The following GOSR2 variants were observed in gnomAD, a reference collection of about 807,000 sequenced individuals.
GOSR2 encodes the protein 27 kDa Golgi SNARE protein.
Under a neutral mutation model 27.9 loss-of-function variants are expected in GOSR2, and 20 were observed. That is an observed-to-expected ratio of 0.72 (90% confidence interval 0.50 to 1.04). The LOEUF (loss-of-function observed/expected upper bound fraction) is 1.04, where lower values mean the gene tolerates loss of function less well. GOSR2 is among the 50% of genes least tolerant of loss of function. The pLI, the probability that GOSR2 is intolerant of heterozygous loss-of-function variation, is 0.00. For missense variants in GOSR2, 261 were observed against 270.5 expected (o/e 0.97, Z 0.25); for synonymous variants, 91 against 98.8 (o/e 0.92, Z 0.47).
intron 6 of GOSR2, chr17:46,948,671 G>C (rs1179317412): frequency 6.6e-6 from 1 of 152,234 alleles, no homozygotes; most frequent in Non-Finnish European, 1.5e-5. Context: ...AGTATGCGCA[G>C]GGCTGCAAGG....
chr17:46,946,233 C>G (rs561330030), downstream of GOSR2, among the ~76,000 whole-genome samples: 1 of 146,072 alleles, frequency 6.8e-6, no homozygotes, highest in African/African-American at 2.6e-5. Flanking sequence ...GTCAGGAGTT[C>G]GAGACCAGCC....
Position 46,941,950 on chromosome 17 carries a change from A to ACC in GOSR2, c.*3190_*3191insCC. The ACC allele has an allele frequency of 1.0e-6, 1 of 985,186 alleles. No homozygotes were observed. Among genetic ancestry groups the ACC allele is most frequent in the Non-Finnish European group, 1.2e-6 (1 of 829,728 alleles). The allele number at this position is 985,186 out of a possible 1,614,324, so 61.0% of individuals were successfully genotyped here. Reference sequence around the variant, plus strand: ...CTCCTAGACAGAAAGCTTCTGTCTCAAAGATGATCACATTGGTGTAAAGAG... The same window carrying ACC: ...CTCCTAGACAGAAAGCTTCTGTCTCACCAAGATGATCACATTGGTGTAAAGAG... On this transcript the variant is annotated 3_prime_UTR_variant, in exon 6 of 6. Coordinates refer to ENST00000640051, the MANE Select transcript of GOSR2 (RefSeq NM_004287.5).
At chr17:46,923,371 C>A in intron 1 of GOSR2, 150 bp downstream of exon 1, 2 of 1,472,842 alleles carry the variant, frequency 1.4e-6, no homozygotes, top group South Asian at 1.4e-5. Context: ...GTGCTTAATC[C>A]TTGGCGGGAC....
downstream of GOSR2, among the ~76,000 whole-genome samples, chr17:46,967,829 G>A (rs955437828): frequency 1.3e-5 from 2 of 152,102 alleles, no homozygotes; most frequent in Non-Finnish European, 2.9e-5. Flanking sequence ...ATAAAGAGGG[G>A]GGTAGGGGGC....
downstream of GOSR2, among the ~76,000 whole-genome samples, chr17:46,944,169 G>A (rs981438767): frequency 5.9e-5 from 9 of 152,334 alleles, no homozygotes; most frequent in South Asian, 2.1e-4. Context: ...TCTTTATTCC[G>A]TCTTCCAGAG....
chr17:46,944,098 G>A (rs184866259), downstream of GOSR2, among the ~76,000 whole-genome samples: 127 of 152,346 alleles, frequency 8.3e-4, no homozygotes, highest in African/African-American at 2.9e-3. Flanking sequence ...GCCAGGCCCA[G>A]GAGGGAAGTA....
At chr17:46,945,202 C>T (rs1256212732), downstream of GOSR2, among the ~76,000 whole-genome samples, 1 of 152,196 alleles carries the variant, frequency 6.6e-6, no homozygotes. Context: ...GCCCTGGCTG[C>T]TGTGGGCTCT....
intron 4 of GOSR2, chr17:46,933,742 G>A (rs2087782642): frequency 6.6e-6 from 1 of 151,670 alleles, no homozygotes; most frequent in African/African-American, 2.4e-5. Context: ...GGAGACCAAG[G>A]CAGTGGATTG....
At position 46,939,780 on chromosome 17, in the gene GOSR2, T is replaced by C. The variant is rs1180322183; in HGVS notation, c.*1020T>C. 1.0e-6 allele frequency: 1 copy of C among 987,508 alleles called. No homozygotes were observed. The highest frequency in any genetic ancestry group is 1.2e-6 in the Non-Finnish European group (1 of 831,376). The allele number at this position is 987,508 out of a possible 1,614,324, so 61.2% of individuals were successfully genotyped here. ...TTTTCAGGGACTACAACCTTTTTCC[T>C]TCTGTGACCAGCCCCGGATTCAGGC... On this transcript the variant is annotated 3_prime_UTR_variant, in exon 6 of 6. Coordinates refer to ENST00000640051, the MANE Select transcript of GOSR2 (RefSeq NM_004287.5).
intron 5 of GOSR2, chr17:46,936,051 T>C (rs187551580): frequency 2.0e-5 from 20 of 985,760 alleles, no homozygotes; most frequent in Middle Eastern, 5.2e-4. Context: ...GTCCCTGCCA[T>C]CTCTACGGGG....
chr17:46,932,001 C>G (rs2087463793), intron 3 of GOSR2, 66 bp from the exon 4 acceptor site: 1 of 1,457,154 alleles, frequency 6.9e-7, no homozygotes, highest in Non-Finnish European at 9.6e-7. Context: ...CAGTACAAAG[C>G]CTGGCCCCCT....
Position 46,932,177 on chromosome 17 carries a change from T to C in GOSR2, c.314T>C (p.Leu105Pro), listed in dbSNP as rs1401537301. 2.5e-6 allele frequency: 4 copies of C among 1,614,020 alleles called. No homozygotes were observed. The highest frequency in any genetic ancestry group is 1.7e-5 in the Admixed American group (1 of 59,998). Residue 105 changes from leucine (L) to proline (P), a missense_variant, in exon 4 of 6, where the codon CTG becomes CCG. By Grantham distance (98) the Leu-to-Pro change is moderately conservative (BLOSUM62 -3). Coordinates refer to ENST00000640051, the MANE Select transcript of GOSR2 (RefSeq NM_004287.5). The stretch of plus-strand genomic sequence containing the variant: ...CAGGAGAGACAGCGAGAAGAGCTTC[T>C]GTCTCGAACCTTCACCACTAACGTA... Reference protein sequence around the residue: ...EQQERQREELLSRTFTTNDSD... With the variant: ...EQQERQREELPSRTFTTNDSD...
rs543771907 is a variant in GOSR2 at position 46,941,427 on chromosome 17, T to C, written c.*2667T>C. The stretch of plus-strand genomic sequence containing the variant: ...ACTAATGGCCCCCTTTTTTTATGTT[T>C]CTAGGCCAGAGATTCTCAAACACTG... On this transcript the variant is annotated 3_prime_UTR_variant, in exon 6 of 6. Transcript: ENST00000640051. The C allele has an allele frequency of 7.2e-5, 71 of 984,470 alleles. No individual in the cohort carries two copies. In the African/African-American group the frequency reaches 1.2e-3, roughly 17 times the overall value. The allele number at this position is 984,470 out of a possible 1,614,324, so 61.0% of individuals were successfully genotyped here.
At position 46,974,987 on chromosome 17, in the gene GOSR2, C is replaced by CTTTTTTTTTTT. The variant is rs58438726; in HGVS notation, c.616-196_616-186dup. Reference sequence around the variant, plus strand: ...CTTTTCAAATATGAATTACTATTTTCTTTTTTTTTTTTTTTTTTTTTTTTT... The same window carrying CTTTTTTTTTTT: ...CTTTTCAAATATGAATTACTATTTTCTTTTTTTTTTTTTTTTTTTTTTTTTTTTTTTTTTTT... On this transcript the variant is annotated intron_variant, in intron 6 of 6. Transcript: ENST00000640723. Among the ~76,000 whole-genome samples the CTTTTTTTTTTT allele has an allele frequency of 1.1e-3, 135 of 119,052 alleles. 3 individuals are homozygous for CTTTTTTTTTTT. The highest frequency in any genetic ancestry group is 2.2e-3 in the East Asian group (9 of 4,144). 78.1% of individuals were successfully genotyped at this position (119,052 alleles called of 152,430 possible).
At chr17:46,958,816 A>G (rs1162215427) in intron 6 of GOSR2, among the ~76,000 whole-genome samples, 2 of 152,230 alleles carry the variant, frequency 1.3e-5, no homozygotes, top group Admixed American at 6.5e-5. Flanking sequence ...GACACATGAC[A>G]TAGGTTAGGA....
At position 46,938,731 on chromosome 17, in the gene GOSR2, A is replaced by G; in HGVS notation, c.610A>G (p.Met204Val). ...IGGMLLTCVV[M>V]FLVVQYLT ...TGGGATGCTGCTGACCTGTGTGGTC[A>G]TGTTCCTCGTGGTGCAGTACCTGAC... is the stretch of plus-strand genomic sequence containing the variant. Residue 204 changes from methionine to valine, a missense_variant, in exon 6 of 6, where the codon ATG (methionine) becomes GTG (valine). Coordinates refer to ENST00000640051, the MANE Select transcript of GOSR2 (RefSeq NM_004287.5). The G allele has an allele frequency of 1.9e-6, 3 of 1,614,044 alleles. No individual in the cohort carries two copies. The highest frequency in any genetic ancestry group is 2.5e-6 in the Non-Finnish European group (3 of 1,179,982).
intron 4 of GOSR2, 101 bp downstream of exon 4, chr17:46,932,300 G>T: frequency 1.4e-6 from 2 of 1,381,480 alleles, no homozygotes; most frequent in African/African-American, 1.4e-5. Context: ...GTCTGAAGAA[G>T]ACTGATGATG....
rs576253083 is a variant in GOSR2, at chr17:46,973,564, CTAAG to C, written c.616-1631_616-1628del. On this transcript the variant is annotated intron_variant, in intron 6 of 6. Coordinates refer to the GOSR2 transcript ENST00000640723. ...GTGCACTTATCATGGGATCTCAAGT[CTAAG>C]TAATAGAACTATGACTGCAAGGGTG... 2.6e-4 allele frequency among the ~76,000 whole-genome samples: 40 copies of C among 152,230 alleles called. 1 individual carries two copies. In the South Asian group the frequency reaches 8.1e-3, roughly 31 times the overall value.
chr17:46,933,659 T>A, intron 4 of GOSR2: 1 of 141,740 alleles, frequency 7.1e-6, no homozygotes. Flanking sequence ...CAATTGAAAC[T>A]GGAATTTAGG....
Sources: gnomAD v4.1 joint callset for allele counts (sites outside exome capture counted in the v4.1 genomes callset) on GRCh38, gnomAD v4.1.1 for gene constraint, MANE v1.5 for transcripts, NCBI Gene and HGNC (gene_info 2026-07-23, HGNC 2026-07-21) for gene names.